Variants in CCN4 observed in about 807,000 individuals in gnomAD.
The protein encoded by CCN4 is CCN family member 4.
In CCN4, 30 loss-of-function variants were observed where a neutral mutation model predicts 36.7. The observed-to-expected ratio is 0.82, with a 90% confidence interval of 0.61 to 1.11. CCN4 has a LOEUF of 1.11. Among genes scored for constraint, CCN4 ranks in the 50% least tolerant of loss-of-function variants. The probability of loss-of-function intolerance (pLI) is 0.00; values close to 1 mark genes in which losing one functional copy is unlikely to be tolerated. For synonymous variants in CCN4, 191 were observed against 195.4 expected, an observed-to-expected ratio of 0.98 and a Z score of 0.19; for missense variants, 505 against 504.9, an observed-to-expected ratio of 1.00 and a Z score of 0.00.
rs759820922 is a variant in CCN4, at chr8:133,227,583, A to T, written c.977A>T (p.Asp326Val). 55 of 1,614,184 alleles carry T rather than the reference A, an allele frequency of 3.4e-5. No individual in the cohort carries two copies. The highest frequency in any genetic ancestry group is 4.6e-5 in the Non-Finnish European group (54 of 1,180,036). Residue 326 changes from aspartate (D) to valine (V), a missense_variant, in exon 5 of 5, where the codon GAT (aspartate) becomes GTT (valine). Transcript: ENST00000250160. ...KTIDVSFQCP[D>V]GLGFSRQVLW... Reference sequence around the variant, plus strand: ...ATCGACGTGTCCTTCCAGTGTCCTGATGGGCTTGGCTTCTCCCGCCAGGTC... The same window carrying T: ...ATCGACGTGTCCTTCCAGTGTCCTGTTGGGCTTGGCTTCTCCCGCCAGGTC...
Position 133,212,205 on chromosome 8 carries a change from A to C in CCN4, c.70-659A>C, listed in dbSNP as rs149626333. On this transcript the variant is annotated intron_variant, in intron 1 of 4. Transcript: ENST00000250160. Reference sequence around the variant, plus strand: ...GACAGCAAAATAAAAGGGCTCCTCCATGTAGGGCTTGTGCTGGCAAAGGAA... The same window carrying C: ...GACAGCAAAATAAAAGGGCTCCTCCCTGTAGGGCTTGTGCTGGCAAAGGAA... Among the ~76,000 whole-genome samples the C allele has an allele frequency of 2.3e-3, 347 of 152,242 alleles. 1 individual carries two copies. The highest frequency in any genetic ancestry group is 7.7e-3 in the African/African-American group (321 of 41,540).
At chr8:133,224,623 A>C (rs941800166) in intron 3 of CCN4, among the ~76,000 whole-genome samples, 1 of 152,120 alleles carries the variant, frequency 6.6e-6, no homozygotes, top group Non-Finnish European at 1.5e-5. Context: ...CTGCAGAGGC[A>C]GGAGAATGTC....
At chr8:133,193,355 A>T (rs1413645244) in intron 1 of CCN4, among the ~76,000 whole-genome samples, 1 of 152,228 alleles carries the variant, frequency 6.6e-6, no homozygotes, top group Non-Finnish European at 1.5e-5. Context: ...CTCTGTAAAG[A>T]TTCTGCAGTG....
intron 1 of CCN4, among the ~76,000 whole-genome samples, chr8:133,210,420 TG>T (rs143484635): frequency 0.038 from 4,268 of 111,102 alleles, 89 homozygotes; most frequent in Non-Finnish European, 0.062. Flanking sequence ...TGTGTGTGTG[TG>T]TTTACTGATT....
chr8:133,212,917 C>T lies in CCN4; in HGVS notation c.123C>T (p.Asp41=), dbSNP rs73711808. Residue 41 remains aspartate (D), a synonymous_variant, in exon 2 of 5, where the codon GAC becomes GAT. Transcript: ENST00000250160. ...ACTTTACCCCAGCTCCACTGGAGGACACCTCCTCACGCCCCCAATTCTGCA... is the reference window on the plus strand; with the variant it reads ...ACTTTACCCCAGCTCCACTGGAGGATACCTCCTCACGCCCCCAATTCTGCA... ...TMDFTPAPLE[D]TSSRPQFCKW... 5.8e-4 allele frequency: 942 copies of T among 1,612,556 alleles called. 2 individuals are homozygous for T. The African/African-American group carries it at 0.011, about 19-fold the overall frequency.
chr8:133,216,563 AC>A (rs57662443), intron 2 of CCN4, among the ~76,000 whole-genome samples: 3,059 of 152,298 alleles, frequency 0.02, 93 homozygotes, highest in African/African-American at 0.069. Flanking sequence ...TATTTTTAAA[AC>A]CACTCTGTGG....
chr8:133,199,721 C>T (rs1322997314), intron 1 of CCN4, among the ~76,000 whole-genome samples: 7 of 152,148 alleles, frequency 4.6e-5, no homozygotes, highest in Non-Finnish European at 7.3e-5. Flanking sequence ...CACACAGGCA[C>T]GCATGCCAGT....
rs779372899 is a variant in CCN4, at chr8:133,231,643, C to T, written c.*3933C>T. 6.6e-5 allele frequency: 10 copies of T among 152,092 alleles called. No homozygotes were observed. Among genetic ancestry groups the T allele is most frequent in the Non-Finnish European group, 1.0e-4 (7 of 68,024 alleles). The allele number at this position is 152,092 out of a possible 1,614,324, so 9.4% of individuals were successfully genotyped here. A position where few individuals can be genotyped will look rare whatever the true frequency, so the allele number is the denominator to read the frequency against. On this transcript the variant is annotated 3_prime_UTR_variant, in exon 5 of 5. Transcript: ENST00000250160. Reference sequence around the variant, plus strand: ...TCTTGTACAGGCAGTTGTTATGAGACAATGATGGAGCATTGAGCATGTTCA... The same window carrying T: ...TCTTGTACAGGCAGTTGTTATGAGATAATGATGGAGCATTGAGCATGTTCA...
chr8:133,204,016 C>T (rs1180155169), intron 1 of CCN4, among the ~76,000 whole-genome samples: 1 of 152,134 alleles, frequency 6.6e-6, no homozygotes, highest in Non-Finnish European at 1.5e-5. Context: ...GAAACATTTC[C>T]TCCAGGGCTT....
chr8:133,211,075 G>A (rs945325368), intron 1 of CCN4, among the ~76,000 whole-genome samples: 3 of 152,214 alleles, frequency 2.0e-5, no homozygotes, highest in Admixed American at 1.3e-4. Context: ...GCCAGGTTCA[G>A]AGCCTAGTCA....
chr8:133,194,174 C>T (rs1341907270), intron 1 of CCN4, among the ~76,000 whole-genome samples: 5 of 152,060 alleles, frequency 3.3e-5, no homozygotes, highest in Admixed American at 3.3e-4. Context: ...AACCCACATC[C>T]TCCCTCCTGT....
intron 1 of CCN4, among the ~76,000 whole-genome samples, chr8:133,203,076 C>T (rs1014155269): frequency 3.3e-5 from 5 of 152,248 alleles, no homozygotes; most frequent in Non-Finnish European, 7.3e-5. Flanking sequence ...CAACCCTGCC[C>T]CCTGGTGGAG....
In CCN4 at chr8:133,231,414, C is replaced by T. The variant is rs1854961527; in HGVS notation, c.*3704C>T. The stretch of plus-strand genomic sequence containing the variant: ...GACTGAAAAACTACACATGAGGAAA[C>T]GTCTTAGAATTTTCCAATAGAGGAA... On this transcript the variant is annotated 3_prime_UTR_variant, in exon 5 of 5. Coordinates refer to ENST00000250160, the MANE Select transcript of CCN4 (RefSeq NM_003882.4). The T allele has an allele frequency of 6.6e-6, 1 of 152,124 alleles. No individual in the cohort carries two copies. Among genetic ancestry groups the T allele is most frequent in the African/African-American group, 2.4e-5 (1 of 41,428 alleles). 9.4% of individuals were successfully genotyped at this position (152,124 alleles called of 1,614,324 possible).
rs78653794 is a variant in CCN4 at position 133,201,233 on chromosome 8, C to T, written c.69+10020C>T. 8.7e-3 allele frequency among the ~76,000 whole-genome samples: 1,319 copies of T among 152,218 alleles called. 18 individuals carry two copies. Among genetic ancestry groups the T allele is most frequent in the African/African-American group, 0.03 (1,253 of 41,522 alleles). ...TTACCTTTTTGTGACTCAGTTTGCT[C>T]ATCTAACAAATGAGGAAGCTAATAA... is the stretch of plus-strand genomic sequence containing the variant. On this transcript the variant is annotated intron_variant, in intron 1 of 4. Transcript: ENST00000250160.
intron 1 of CCN4, among the ~76,000 whole-genome samples, chr8:133,192,073 T>C (rs1224610914): frequency 6.6e-6 from 1 of 152,112 alleles, no homozygotes; most frequent in Non-Finnish European, 1.5e-5. Flanking sequence ...CCTGGCAGCT[T>C]CTGAGCCCCA....
intron 1 of CCN4, among the ~76,000 whole-genome samples, chr8:133,212,118 G>A (rs1854065583): frequency 1.3e-5 from 2 of 152,110 alleles, no homozygotes; most frequent in Non-Finnish European, 2.9e-5. Flanking sequence ...GGGGATGCTG[G>A]GGAGGAGTGC....
intron 1 of CCN4, among the ~76,000 whole-genome samples, chr8:133,193,423 A>T (rs930237908): frequency 1.3e-5 from 2 of 152,206 alleles, no homozygotes; most frequent in Non-Finnish European, 2.9e-5. Flanking sequence ...CACTGGAGTG[A>T]TCTCAGGAAC....
Position 133,227,411 on chromosome 8 carries a change from G to A in CCN4, c.805G>A (p.Ala269Thr). ...CDVDIHTLIKAGKKCLAVYQP... is the reference protein window; with the variant it reads ...CDVDIHTLIKTGKKCLAVYQP... Reference sequence around the variant, plus strand: ...TGAAAGCTCCTTTCCTTTCCTTCAGGCAGGGAAGAAGTGTCTGGCTGTGTA... The same window carrying A: ...TGAAAGCTCCTTTCCTTTCCTTCAGACAGGGAAGAAGTGTCTGGCTGTGTA... Residue 269 changes from alanine to threonine, a missense_variant and splice_region_variant, in exon 5 of 5, where the codon GCA becomes ACA. Ala to Thr is a moderately conservative substitution (Grantham distance 58). Transcript: ENST00000250160. 6.2e-7 allele frequency: 1 copy of A among 1,604,996 alleles called. No homozygotes were observed. The highest frequency in any genetic ancestry group is 8.5e-7 in the Non-Finnish European group (1 of 1,174,336).
At chr8:133,192,607 G>C (rs1457439257) in intron 1 of CCN4, among the ~76,000 whole-genome samples, 1 of 152,240 alleles carries the variant, frequency 6.6e-6, no homozygotes, top group Non-Finnish European at 1.5e-5. Flanking sequence ...GTGTCCTACA[G>C]GAGTGCCCAG....
Sources: gnomAD v4.1 joint callset for allele counts (sites outside exome capture counted in the v4.1 genomes callset) on GRCh38, gnomAD v4.1.1 for gene constraint, MANE v1.5 for transcripts, NCBI Gene and HGNC (gene_info 2026-07-23, HGNC 2026-07-21) for gene names.